Variants in IMMP2L observed in about 807,000 individuals in gnomAD.
IMMP2L encodes the protein mitochondrial inner membrane protease subunit 2.
In IMMP2L, 18 loss-of-function variants were observed where a neutral mutation model predicts 19.3. The observed-to-expected ratio is 0.93, with a 90% CI of 0.64 to 1.38. IMMP2L has a LOEUF of 1.38. Among genes scored for constraint, IMMP2L ranks in the 40% most tolerant of loss-of-function variants. The pLI, the probability that IMMP2L is intolerant of heterozygous loss-of-function variation, is 0.00. For synonymous variants in IMMP2L, 76 were observed against 73.0 expected (o/e 1.04, Z -0.21); for missense variants, 233 against 218.2 (o/e 1.07, Z -0.43).
intron 4 of IMMP2L, among the ~76,000 whole-genome samples, chr7:110,952,973 C>T (rs1042300884): frequency 2.0e-5 from 3 of 152,062 alleles, no homozygotes; most frequent in East Asian, 1.9e-4. Context: ...ACTGCTAGTA[C>T]GATTCCAAGA....
At chr7:110,905,012 T>C (rs1812303851) in intron 4 of IMMP2L, among the ~76,000 whole-genome samples, 1 of 152,172 alleles carries the variant, frequency 6.6e-6, no homozygotes, top group African/African-American at 2.4e-5. Context: ...AGATAAAATA[T>C]GCTTACTATG....
chr7:111,547,510 C>T (rs1040162305), intron 1 of IMMP2L, among the ~76,000 whole-genome samples: 1 of 150,248 alleles, frequency 6.7e-6, no homozygotes, highest in African/African-American at 2.5e-5. Context: ...GTCATACCCC[C>T]CCCCCCTTTT....
At chr7:111,382,033 G>A (rs1831248955) in intron 3 of IMMP2L, among the ~76,000 whole-genome samples, 1 of 151,926 alleles carries the variant, frequency 6.6e-6, no homozygotes, top group Admixed American at 6.6e-5. Context: ...GATCTGAAGT[G>A]TAACAGAAAT....
chr7:111,175,439 T>C lies in IMMP2L; in HGVS notation c.240-211874A>G, dbSNP rs527937748. On this transcript the variant is annotated intron_variant, in intron 3 of 5. Coordinates refer to ENST00000405709, the MANE Select transcript of IMMP2L (RefSeq NM_032549.4). ...GTAGGAGAGATATAAATACAGTCCA[T>C]TGTAGGTTTGTTATGAAGAGAAATC... is the stretch of plus-strand genomic sequence containing the variant. 2.6e-3 allele frequency among the ~76,000 whole-genome samples: 401 copies of C among 152,016 alleles called. 1 individual carries two copies. Among genetic ancestry groups the C allele is most frequent in the Non-Finnish European group, 4.2e-3 (287 of 67,866 alleles).
intron 3 of IMMP2L, among the ~76,000 whole-genome samples, chr7:110,983,251 G>A (rs962636148): frequency 6.6e-6 from 1 of 151,930 alleles, no homozygotes; most frequent in Admixed American, 6.6e-5. Flanking sequence ...TTAGATCCTA[G>A]ACTTCAAAGA....
intron 3 of IMMP2L, among the ~76,000 whole-genome samples, chr7:111,158,572 C>T (rs910097142): frequency 1.3e-5 from 2 of 152,052 alleles, no homozygotes; most frequent in African/African-American, 4.8e-5. Context: ...TTTTTCGAAT[C>T]ACGGTTTTCA....
At chr7:110,988,148 A>G (rs771408539) in intron 3 of IMMP2L, among the ~76,000 whole-genome samples, 2 of 152,228 alleles carry the variant, frequency 1.3e-5, no homozygotes, top group Non-Finnish European at 2.9e-5. Flanking sequence ...AACAAAGTGC[A>G]CTAAAAATGC....
At chr7:111,543,919 G>A (rs191438940) in intron 1 of IMMP2L, among the ~76,000 whole-genome samples, 34 of 152,110 alleles carry the variant, frequency 2.2e-4, no homozygotes, top group Middle Eastern at 3.4e-3. Context: ...CAAAACAAAT[G>A]AACTCAGAAT....
At chr7:111,187,858 T>C (rs1165973295) in intron 3 of IMMP2L, among the ~76,000 whole-genome samples, 1 of 152,142 alleles carries the variant, frequency 6.6e-6, no homozygotes, top group Non-Finnish European at 1.5e-5. Context: ...CCAGGCAACC[T>C]GGCTCTGGAA....
At chr7:111,537,775 A>T (rs748192808) in intron 1 of IMMP2L, among the ~76,000 whole-genome samples, 1 of 151,726 alleles carries the variant, frequency 6.6e-6, no homozygotes, top group Non-Finnish European at 1.5e-5. Flanking sequence ...AGCTCAAGTG[A>T]TCTACCCACC....
At chr7:111,499,337 A>C (rs966028596) in intron 2 of IMMP2L, among the ~76,000 whole-genome samples, 1 of 152,156 alleles carries the variant, frequency 6.6e-6, no homozygotes, top group Non-Finnish European at 1.5e-5. Flanking sequence ...TAATCTACCA[A>C]AACTCTGCCC....
At chr7:110,985,936 C>G (rs911514590) in intron 3 of IMMP2L, among the ~76,000 whole-genome samples, 3 of 152,118 alleles carry the variant, frequency 2.0e-5, no homozygotes, top group Non-Finnish European at 4.4e-5. Flanking sequence ...AATAAGAATA[C>G]AGCTTACAAA....
intron 5 of IMMP2L, among the ~76,000 whole-genome samples, chr7:110,689,141 G>A (rs1793321957): frequency 6.6e-6 from 1 of 152,142 alleles, no homozygotes; most frequent in Non-Finnish European, 1.5e-5. Context: ...GCATTCTGTG[G>A]TTCAAACAGG....
intron 3 of IMMP2L, among the ~76,000 whole-genome samples, chr7:111,119,085 G>C (rs548182151): frequency 5.4e-4 from 82 of 152,216 alleles, no homozygotes; most frequent in African/African-American, 1.9e-3. Flanking sequence ...CAAACCTCTA[G>C]TTAACTTAAA....
At chr7:111,237,442 ATTTG>A (rs1814465955) in intron 3 of IMMP2L, among the ~76,000 whole-genome samples, 2 of 152,040 alleles carry the variant, frequency 1.3e-5, no homozygotes, top group African/African-American at 4.8e-5. Flanking sequence ...TGATTTTATA[ATTTG>A]TTTCTTTCAA....
intron 3 of IMMP2L, among the ~76,000 whole-genome samples, chr7:111,006,617 A>C (rs1824316701): frequency 6.6e-6 from 1 of 152,080 alleles, no homozygotes; most frequent in South Asian, 2.1e-4. Flanking sequence ...TAATGTCCCA[A>C]ATTCCATAGT....
chr7:111,378,995 T>C (rs763479492), intron 3 of IMMP2L, among the ~76,000 whole-genome samples: 1 of 151,914 alleles, frequency 6.6e-6, no homozygotes, highest in East Asian at 1.9e-4. Flanking sequence ...TGTTACACAG[T>C]AGACCTTCCC....
At chr7:111,502,632 A>G (rs1179285404) in intron 2 of IMMP2L, among the ~76,000 whole-genome samples, 7 of 152,088 alleles carry the variant, frequency 4.6e-5, no homozygotes, top group African/African-American at 1.7e-4. Context: ...CTCAGACCAC[A>G]GTGCAATCAA....
At chr7:111,173,722 C>T (rs1216103216) in intron 3 of IMMP2L, among the ~76,000 whole-genome samples, 3 of 151,658 alleles carry the variant, frequency 2.0e-5, no homozygotes, top group Non-Finnish European at 3.0e-5. Flanking sequence ...TGGGGTGTTT[C>T]TTATATTATC....
Sources: allele counts gnomAD v4.1 joint callset (sites outside exome capture counted in the v4.1 genomes callset), GRCh38; gene constraint gnomAD v4.1.1; transcripts MANE v1.5; gene names NCBI Gene and HGNC (gene_info 2026-07-23, HGNC 2026-07-21).